The following SYNE1 variants were observed in gnomAD, a reference collection of about 807,000 sequenced individuals.
SYNE1 encodes the protein nesprin-1.
In SYNE1, 616 loss-of-function variants were observed where a neutral mutation model predicts 1,111.0. The ratio of observed to expected loss-of-function variants is 0.55; its 90% CI spans 0.52 to 0.59. The LOEUF (loss-of-function observed/expected upper bound fraction) is 0.59. Ranked by LOEUF, SYNE1 falls within the 20% of genes least tolerant of loss-of-function variation. SYNE1 has a pLI of 0.00. For synonymous variants in SYNE1, 3,855 were observed against 3,825.8 expected (o/e 1.01, Z -0.28); for missense variants, 10,006 against 10,417.0 (o/e 0.96, Z 1.72).
chr6:152,219,170 G>A lies in SYNE1; in HGVS notation c.21877C>T (p.Leu7293=). The A allele has an allele frequency of 6.2e-7, 1 of 1,613,944 alleles. No homozygotes were observed. Among genetic ancestry groups the A allele is most frequent in the Non-Finnish European group, 8.5e-7 (1 of 1,179,956 alleles). ...IQDCNDLLKG[L]GTVKDSLFFL... is the part of the protein sequence containing the mutation. ...AAGAGGGAATCTTTAACTGTGCCCA[G>A]TCCTTTGAGGAGGTCCTAGAAGAGG... The change falls in exon 120 of 146, where the codon CTG becomes TTG. Residue 7293 remains leucine (L), a synonymous_variant. Coordinates refer to ENST00000367255, the MANE Select transcript of SYNE1 (RefSeq NM_182961.4).
At chr6:152,410,015 A>AGAT (rs1301014348) in intron 42 of SYNE1, among the ~76,000 whole-genome samples, 4 of 152,244 alleles carry the variant, frequency 2.6e-5, no homozygotes, top group African/African-American at 4.8e-5. Flanking sequence ...AAACTTACAT[A>AGAT]GATGAGTCAT....
Position 152,220,947 on chromosome 6 carries a change from A to G in SYNE1, c.21756T>C (p.Ala7252=). The G allele has an allele frequency of 6.2e-7, 1 of 1,614,194 alleles. No individual in the cohort carries two copies. The change falls in exon 119 of 146, where the codon GCT becomes GCC. Residue 7252 remains alanine (A), a synonymous_variant. Coordinates refer to ENST00000367255, the MANE Select transcript of SYNE1 (RefSeq NM_182961.4). ...QRYKDYSKQC[A]STVQQQEDRT... ...GATCCTCCTGCTGCTGAACTGTCGA[A>G]GCACACTGTTTGGAGTAGTCCTTGT...
intron 3 of SYNE1, among the ~76,000 whole-genome samples, chr6:152,585,873 C>A (rs760938441): frequency 1.3e-5 from 2 of 151,950 alleles, no homozygotes; most frequent in Non-Finnish European, 2.9e-5. Flanking sequence ...GTATTTAAAC[C>A]TTTGGTCTGC....
intron 39 of SYNE1, among the ~76,000 whole-genome samples, chr6:152,420,372 C>A (rs957564663): frequency 6.6e-6 from 1 of 152,118 alleles, no homozygotes; most frequent in Non-Finnish European, 1.5e-5. Flanking sequence ...GTAATCCCAA[C>A]AATTTGAGAG....
chr6:152,413,162 T>C (rs181987199), intron 42 of SYNE1, among the ~76,000 whole-genome samples, 190 bp downstream of exon 42: 2 of 152,318 alleles, frequency 1.3e-5, no homozygotes, highest in East Asian at 3.9e-4. Flanking sequence ...ATAATTGTTA[T>C]CTCAAAGCAA....
At chr6:152,321,959 C>A in intron 82 of SYNE1, 73 bp from the exon 83 acceptor site, 1 of 1,534,076 alleles carries the variant, frequency 6.5e-7, no homozygotes. Context: ...ACATTTTATC[C>A]AATACATATA....
At chr6:152,412,372 A>C (rs1432682252) in intron 42 of SYNE1, among the ~76,000 whole-genome samples, 3 of 151,598 alleles carry the variant, frequency 2.0e-5, no homozygotes. Context: ...TGCAGCGAGC[A>C]GAGATAGCGC....
chr6:152,428,430 G>A (rs1592496636), intron 36 of SYNE1, 38 bp from the exon 37 acceptor site: 1 of 1,608,868 alleles, frequency 6.2e-7, no homozygotes. Flanking sequence ...GAAAGCACAG[G>A]AGCCAACGAG....
In SYNE1 at chr6:152,449,484, C is replaced by A. The variant is rs746999744; in HGVS notation, c.3504+49G>T. 9.9e-6 allele frequency: 13 copies of A among 1,312,716 alleles called. No homozygotes were observed. In the Admixed American group the frequency reaches 1.8e-4, roughly 19 times the overall value. The allele number at this position is 1,312,716 out of a possible 1,614,324, so 81.3% of individuals were successfully genotyped here. ...AACCGTTAGATTCTCTAACATTATT[C>A]TTCCACTATGAGAAATTTTCCTCTA... On this transcript the variant is annotated intron_variant, in intron 28 of 145. Coordinates refer to ENST00000367255, the MANE Select transcript of SYNE1 (RefSeq NM_182961.4).
At chr6:152,340,007 G>T (rs543550517) in intron 74 of SYNE1, among the ~76,000 whole-genome samples, 1 of 152,340 alleles carries the variant, frequency 6.6e-6, no homozygotes, top group East Asian at 1.9e-4. Context: ...CCAGGGAGTT[G>T]ACATTCTTAG....
chr6:152,251,241 G>C (rs1588730667), intron 104 of SYNE1, among the ~76,000 whole-genome samples: 3 of 151,574 alleles, frequency 2.0e-5, no homozygotes, highest in African/African-American at 7.3e-5. Flanking sequence ...GTGAGCCACC[G>C]CACCCGGCCC....
Position 152,301,996 on chromosome 6 carries a change from A to G in SYNE1, c.17414T>C (p.Leu5805Pro), listed in dbSNP as rs943149192. The change falls in exon 92 of 146, where the codon CTG becomes CCG. Residue 5805 changes from leucine to proline, a missense_variant. Physicochemically the swap from Leu to Pro is moderately conservative, Grantham distance 98. This residue lies in a region of SYNE1 where 4,955 missense variants were observed against 5,017.2 expected (regional missense o/e 0.99). Coordinates refer to ENST00000367255, the MANE Select transcript of SYNE1 (RefSeq NM_182961.4). Reference protein sequence around the residue: ...IASLNSKCKMLTMKAKHATML... With the variant: ...IASLNSKCKMPTMKAKHATML... ...GGTGGCGTGCTTGGCTTTCATCGTC[A>G]GCATCTTGCACTTGGAATTCAAAGA... 6.2e-7 allele frequency: 1 copy of G among 1,614,232 alleles called. No homozygotes were observed. Among genetic ancestry groups the G allele is most frequent in the Admixed American group, 1.7e-5 (1 of 60,032 alleles).
chr6:152,229,701 C>A (rs1205122569), intron 115 of SYNE1, among the ~76,000 whole-genome samples: 1 of 151,988 alleles, frequency 6.6e-6, no homozygotes, highest in African/African-American at 2.4e-5. Flanking sequence ...GAACATGGCA[C>A]CCATCAACAG....
intron 90 of SYNE1, among the ~76,000 whole-genome samples, chr6:152,309,391 AAG>A (rs2095481035): frequency 1.3e-5 from 2 of 152,318 alleles, no homozygotes; most frequent in African/African-American, 4.8e-5. Context: ...TTACTAGGCA[AAG>A]AGACTAAGAA....
At position 152,325,277 on chromosome 6, in the gene SYNE1, A is replaced by G. The variant is rs1384945462; in HGVS notation, c.15464T>C (p.Phe5155Ser). ...HKALVSVVNS[F>S]HEKIVALEEK... ...CTCAAGGGCCACAATTTTCTCATGG[A>G]AAGAGTTAACCACTGACACTAAAGC... The change falls in exon 81 of 146, where the codon TTC becomes TCC. Residue 5155 changes from phenylalanine (F) to serine (S), a missense_variant. Coordinates refer to ENST00000367255, the MANE Select transcript of SYNE1 (RefSeq NM_182961.4). The G allele has an allele frequency of 6.2e-7, 1 of 1,614,174 alleles. No individual in the cohort carries two copies. The highest frequency in any genetic ancestry group is 1.1e-5 in the South Asian group (1 of 91,082).
rs1587899128 is a variant in SYNE1 at position 152,211,073 on chromosome 6, T to G, written c.22589+421A>C. On this transcript the variant is annotated intron_variant, in intron 124 of 145. Coordinates refer to ENST00000367255, the MANE Select transcript of SYNE1 (RefSeq NM_182961.4). ...CAAATCAGTTCACATTTGTGGATTTTGGGTTTTTCATCTGTAAGTAAGAGA... is the reference window on the plus strand; with the variant it reads ...CAAATCAGTTCACATTTGTGGATTTGGGGTTTTTCATCTGTAAGTAAGAGA... Among the ~76,000 whole-genome samples the G allele has an allele frequency of 2.0e-5, 3 of 152,210 alleles. No homozygotes were observed. The South Asian group carries it at 6.2e-4, about 32-fold the overall frequency.
chr6:152,293,851 G>A, intron 94 of SYNE1, 102 bp from the exon 95 acceptor site: 5 of 1,602,814 alleles, frequency 3.1e-6, no homozygotes, highest in Non-Finnish European at 4.3e-6. Flanking sequence ...CCAACATAGG[G>A]TACTCAACTG....
At chr6:152,491,547 C>T (rs1343546595) in intron 11 of SYNE1, among the ~76,000 whole-genome samples, 1 of 152,186 alleles carries the variant, frequency 6.6e-6, no homozygotes, top group Non-Finnish European at 1.5e-5. Flanking sequence ...TTATTTTCTT[C>T]TGCAACACTG....
At chr6:152,479,956 T>A (rs1469356988) in intron 14 of SYNE1, among the ~76,000 whole-genome samples, 1 of 152,224 alleles carries the variant, frequency 6.6e-6, no homozygotes, top group Admixed American at 6.5e-5. Flanking sequence ...GTTATTTTTT[T>A]AAAAGGTGTG....
Sources: gnomAD v4.1 joint callset for allele counts (sites outside exome capture counted in the v4.1 genomes callset) on GRCh38, gnomAD v4.1.1 for gene constraint, gnomAD v4.1.1 regional missense constraint, MANE v1.5 for transcripts, NCBI Gene and HGNC (gene_info 2026-07-23, HGNC 2026-07-21) for gene names.